Variants in CDH18 observed in about 807,000 individuals in gnomAD.
CDH18 encodes the protein cadherin 18, also known as cadherin-18.
CDH18 carries 31 observed loss-of-function variants against 67.9 expected under a neutral mutation model. That is an observed-to-expected ratio of 0.46 (90% CI 0.34 to 0.62). CDH18 has a LOEUF of 0.62. Ranked by LOEUF, CDH18 falls within the 20% of genes least tolerant of loss-of-function variation. CDH18 has a pLI of 0.01. For synonymous variants in CDH18, 362 were observed against 347.2 expected (o/e 1.04, Z -0.48); for missense variants, 890 against 975.5 (o/e 0.91, Z 1.17).
chr5:19,859,046 C>T (rs557753576), intron 2 of CDH18, among the ~76,000 whole-genome samples: 2 of 152,058 alleles, frequency 1.3e-5, no homozygotes, highest in African/African-American at 4.8e-5. Context: ...GATGAGTTTA[C>T]AGAAAAGTAT....
Position 19,477,370 on chromosome 5 carries a change from T to C in CDH18, c.1883-3654A>G, listed in dbSNP as rs568452932. Among the ~76,000 whole-genome samples, 76 of 151,666 alleles carry C rather than the reference T, an allele frequency of 5.0e-4. 1 individual carries two copies. Among genetic ancestry groups the C allele is most frequent in the Non-Finnish European group, 1.0e-3 (68 of 67,844 alleles). On this transcript the variant is annotated intron_variant, in intron 12 of 12. Coordinates refer to ENST00000382275, the MANE Select transcript of CDH18 (RefSeq NM_004934.5). Reference sequence around the variant, plus strand: ...TCTGGAGCAGATGGCACCAGGTAGATACTCCATAAACAATTATCATGTGGA... The same window carrying C: ...TCTGGAGCAGATGGCACCAGGTAGACACTCCATAAACAATTATCATGTGGA...
chr5:20,040,982 A>G (rs533428220), intron 2 of CDH18, among the ~76,000 whole-genome samples: 29 of 152,280 alleles, frequency 1.9e-4, no homozygotes, highest in African/African-American at 7.0e-4. Flanking sequence ...AGTTTTATAT[A>G]CTGATCATCT....
At chr5:20,059,923 A>C (rs1249894078) in intron 2 of CDH18, among the ~76,000 whole-genome samples, 1 of 151,842 alleles carries the variant, frequency 6.6e-6, no homozygotes, top group East Asian at 1.9e-4. Context: ...GGAGTTGAGC[A>C]ATGAGAACAC....
chr5:20,350,534 TC>T (rs1037295236), intron 1 of CDH18, among the ~76,000 whole-genome samples: 5 of 152,144 alleles, frequency 3.3e-5, no homozygotes, highest in Non-Finnish European at 5.9e-5. Context: ...TAAACTACCA[TC>T]CCCAGCTTGC....
At chr5:19,533,367 A>C (rs767773967) in intron 9 of CDH18, among the ~76,000 whole-genome samples, 1 of 152,076 alleles carries the variant, frequency 6.6e-6, no homozygotes, top group Non-Finnish European at 1.5e-5. Context: ...GAAGTAGCAA[A>C]GTCAAGAGTC....
chr5:20,203,168 TG>T (rs1739585470), intron 2 of CDH18, among the ~76,000 whole-genome samples: 1 of 152,156 alleles, frequency 6.6e-6, no homozygotes, highest in South Asian at 2.1e-4. Context: ...GTGATGGAGA[TG>T]AACAATCAGC....
Position 20,066,824 on chromosome 5 carries a change from T to C in CDH18, c.-517-74810A>G, listed in dbSNP as rs193167247. Among the ~76,000 whole-genome samples the C allele has an allele frequency of 2.6e-5, 4 of 152,090 alleles. No homozygotes were observed. The East Asian group carries it at 7.7e-4, about 29-fold the overall frequency. ...ATTAATAGTCAAATATGGAATACTA[T>C]TAAAAATTCTGACACTATCCAAATA... On this transcript the variant is annotated intron_variant, in intron 2 of 14. Coordinates refer to the CDH18 transcript ENST00000507958.
At chr5:19,499,629 T>C (rs952066035) in intron 11 of CDH18, among the ~76,000 whole-genome samples, 1 of 152,136 alleles carries the variant, frequency 6.6e-6, no homozygotes, top group South Asian at 2.1e-4. Flanking sequence ...TTTTTGTAAA[T>C]ATGTTATTAA....
chr5:19,863,124 C>T (rs1471561786), intron 2 of CDH18, among the ~76,000 whole-genome samples: 1 of 151,932 alleles, frequency 6.6e-6, no homozygotes, highest in Non-Finnish European at 1.5e-5. Flanking sequence ...CCCTGGTTGT[C>T]TTATGCCTGG....
intron 2 of CDH18, among the ~76,000 whole-genome samples, chr5:20,228,484 A>G (rs911170997): frequency 1.3e-5 from 2 of 151,986 alleles, no homozygotes; most frequent in Non-Finnish European, 2.9e-5. Context: ...AGAATACTTA[A>G]CATTCAATCT....
At chr5:19,812,432 A>T (rs543139678) in intron 3 of CDH18, among the ~76,000 whole-genome samples, 4 of 152,320 alleles carry the variant, frequency 2.6e-5, no homozygotes, top group African/African-American at 9.6e-5. Context: ...AAATTTGAAC[A>T]TTCTATGTCG....
intron 1 of CDH18, among the ~76,000 whole-genome samples, chr5:20,364,755 G>T (rs1229814601): frequency 6.6e-6 from 1 of 152,066 alleles, no homozygotes; most frequent in African/African-American, 2.4e-5. Context: ...TATTAACAAT[G>T]CACATGCATA....
chr5:20,152,534 T>A (rs1046431442), intron 2 of CDH18, among the ~76,000 whole-genome samples: 6 of 151,924 alleles, frequency 3.9e-5, no homozygotes, highest in African/African-American at 1.4e-4. Flanking sequence ...ATCCTTATAA[T>A]CTGTTGCACA....
chr5:19,549,005 C>A (rs547960630), intron 8 of CDH18, among the ~76,000 whole-genome samples: 1 of 152,130 alleles, frequency 6.6e-6, no homozygotes, highest in Non-Finnish European at 1.5e-5. Flanking sequence ...CTGCCTCGGC[C>A]TCCCAAAGTG....
chr5:20,008,246 T>C (rs960690999), intron 2 of CDH18, among the ~76,000 whole-genome samples: 1 of 152,140 alleles, frequency 6.6e-6, no homozygotes, highest in Non-Finnish European at 1.5e-5. Context: ...AAAAAACATA[T>C]ACATGTAGAA....
At chr5:20,028,059 C>G (rs1739068575) in intron 2 of CDH18, among the ~76,000 whole-genome samples, 2 of 151,334 alleles carry the variant, frequency 1.3e-5, no homozygotes, top group Admixed American at 1.3e-4. Context: ...TAGTACATAT[C>G]TAAAAATCTG....
At chr5:19,887,127 A>AG (rs1788293410) in intron 2 of CDH18, among the ~76,000 whole-genome samples, 1 of 151,780 alleles carries the variant, frequency 6.6e-6, no homozygotes. Flanking sequence ...CTAAGAGAAG[A>AG]ATGGCTAAAA....
At chr5:20,533,909 AT>A (rs1428931935) in intron 1 of CDH18, among the ~76,000 whole-genome samples, 2 of 152,070 alleles carry the variant, frequency 1.3e-5, no homozygotes, top group African/African-American at 4.8e-5. Flanking sequence ...AAAAGTTCAT[AT>A]CGATATTGTT....
At chr5:19,586,515 T>C (rs1204949061) in intron 7 of CDH18, among the ~76,000 whole-genome samples, 3 of 152,198 alleles carry the variant, frequency 2.0e-5, no homozygotes, top group Non-Finnish European at 2.9e-5. Flanking sequence ...ACTCTGTCTA[T>C]GTCCCTACAA....
Sources: allele counts gnomAD v4.1 joint callset (sites outside exome capture counted in the v4.1 genomes callset), GRCh38; gene constraint gnomAD v4.1.1; transcripts MANE v1.5; gene names NCBI Gene and HGNC (gene_info 2026-07-23, HGNC 2026-07-21).